Variants in SEMA6B observed in about 807,000 individuals in gnomAD.
The protein encoded by SEMA6B is semaphorin-6B.
Under a neutral mutation model 78.6 loss-of-function variants are expected in SEMA6B, and 47 were observed. The observed-to-expected ratio is 0.60, with a 90% CI of 0.47 to 0.76. The LOEUF (loss-of-function observed/expected upper bound fraction) is 0.76. Ranked by LOEUF, SEMA6B falls within the 30% of genes least tolerant of loss-of-function variation. The pLI is 0.00. For synonymous variants in SEMA6B, 632 were observed against 592.2 expected (o/e 1.07, Z -0.98); for missense variants, 1,213 against 1,269.9 (o/e 0.96, Z 0.68).
At chr19:4,546,162 C>G in intron 16 of SEMA6B, 54 bp downstream of exon 16, 1 of 1,491,856 alleles carries the variant, frequency 6.7e-7, no homozygotes, top group Non-Finnish European at 9.1e-7. Context: ...CCTCCCTCCC[C>G]TCCCCCATGG....
rs751007474 is a variant in SEMA6B, at chr19:4,555,301, C to T, written c.562+173G>A. Among the ~76,000 whole-genome samples the T allele has an allele frequency of 2.6e-5, 4 of 152,118 alleles. No homozygotes were observed. The highest frequency in any genetic ancestry group is 7.2e-5 in the African/African-American group (3 of 41,438). The stretch of plus-strand genomic sequence containing the variant: ...CTGACCCCGGCTAAGCCCCAAATCC[C>T]GCTGAGCCTCAATCCCAGCTGAGCC... On this transcript the variant is annotated intron_variant, in intron 7 of 16. Transcript: ENST00000586582. This position sits in a 1 kb window ranked among gnomAD's most constrained non-coding sequence, Gnocchi z 6.1.
At position 4,555,389 on chromosome 19, in the gene SEMA6B, C is replaced by G; in HGVS notation, c.562+85G>C. 1 of 1,267,982 alleles carries G rather than the reference C, an allele frequency of 7.9e-7. No homozygotes were observed. The highest frequency in any genetic ancestry group is 1.1e-6 in the Non-Finnish European group (1 of 900,888). 78.5% of individuals were successfully genotyped at this position (1,267,982 alleles called of 1,614,324 possible). ...GGACAAGTGGTCGTCCAGCTGCCTT[C>G]TAAACAACCCAGACGCTGGAGTAGA... On this transcript the variant is annotated intron_variant, in intron 7 of 16. Coordinates refer to ENST00000586582, the MANE Select transcript of SEMA6B (RefSeq NM_032108.4). The surrounding 1 kb of genome is among the most constrained non-coding windows in gnomAD (Gnocchi z 6.1).
chr19:4,548,498 CCAA>C, intron 12 of SEMA6B, 53 bp from the exon 13 acceptor site: 1 of 1,519,346 alleles, frequency 6.6e-7, no homozygotes, highest in Non-Finnish European at 9.0e-7. Flanking sequence ...CCACATGCCA[CCAA>C]CACGGGCATG....
Position 4,552,786 on chromosome 19 carries a change from G to A in SEMA6B, c.772-147C>T. 1.5e-6 allele frequency: 1 copy of A among 679,366 alleles called. No individual in the cohort carries two copies. Among genetic ancestry groups the A allele is most frequent in the Non-Finnish European group, 2.4e-6 (1 of 416,568 alleles). The allele number at this position is 679,366 out of a possible 1,614,324, so 42.1% of individuals were successfully genotyped here. A position where few individuals can be genotyped will look rare whatever the true frequency, so the allele number is the denominator to read the frequency against. ...CCCGGCCAGTCACCGTTCCTCTCTG[G>A]GCACCGGCTTCCCTGGCAGAAATTC... On this transcript the variant is annotated intron_variant, in intron 9 of 16. Coordinates refer to ENST00000586582, the MANE Select transcript of SEMA6B (RefSeq NM_032108.4). This position sits in a 1 kb window ranked among gnomAD's most constrained non-coding sequence, Gnocchi z 7.4.
rs976254630 is a variant in SEMA6B, at chr19:4,555,251, C to T, written c.563-156G>A. Among the ~76,000 whole-genome samples the T allele has an allele frequency of 1.3e-5, 2 of 152,152 alleles. No individual in the cohort carries two copies. The highest frequency in any genetic ancestry group is 6.6e-5 in the Admixed American group (1 of 15,264). ...GATCCCATCCAAGCCCCACCTCCAT[C>T]CAAGCCCTGACCTTAACTGAGCCCC... On this transcript the variant is annotated intron_variant, in intron 7 of 16. Coordinates refer to ENST00000586582, the MANE Select transcript of SEMA6B (RefSeq NM_032108.4). The surrounding 1 kb of genome is among the most constrained non-coding windows in gnomAD (Gnocchi z 6.1).
intron 5 of SEMA6B, 85 bp from the exon 6 acceptor site, chr19:4,556,174 T>G: frequency 1.1e-6 from 1 of 941,276 alleles, no homozygotes; most frequent in Non-Finnish European, 1.7e-6. Flanking sequence ...GTTGTGTGGG[T>G]GGAGGGCCGG....
At position 4,552,313 on chromosome 19, in the gene SEMA6B, C is replaced by T. The variant is rs1599779412; in HGVS notation, c.989+109G>A. 21 of 1,109,428 alleles carry T rather than the reference C, an allele frequency of 1.9e-5. No individual in the cohort carries two copies. In the East Asian group the frequency reaches 4.1e-4, roughly 22 times the overall value. The allele number at this position is 1,109,428 out of a possible 1,614,324, so 68.7% of individuals were successfully genotyped here. On this transcript the variant is annotated intron_variant, in intron 10 of 16. Coordinates refer to ENST00000586582, the MANE Select transcript of SEMA6B (RefSeq NM_032108.4). The surrounding 1 kb of genome is among the most constrained non-coding windows in gnomAD (Gnocchi z 7.4). ...GGCCGAGGCCTCTCAGAGGTCTAATCCAGTGGTGCCCAACCTAGCACCCAG... is the reference window on the plus strand; with the variant it reads ...GGCCGAGGCCTCTCAGAGGTCTAATTCAGTGGTGCCCAACCTAGCACCCAG...
At chr19:4,546,054 A>C in intron 16 of SEMA6B, 162 bp downstream of exon 16, 1 of 668,730 alleles carries the variant, frequency 1.5e-6, no homozygotes, top group Non-Finnish European at 2.4e-6. Flanking sequence ...TACAGGCGTG[A>C]GCCACCGCGC....
chr19:4,546,203 C>T lies in SEMA6B; in HGVS notation c.1738+13G>A, dbSNP rs779255323. The T allele has an allele frequency of 5.0e-6, 8 of 1,597,562 alleles. No homozygotes were observed. The highest frequency in any genetic ancestry group is 6.8e-6 in the Non-Finnish European group (8 of 1,171,276). ...GGGGATGGGGGTCTTAGCCTGCCGT[C>T]CCCCCAACTCACCTGTGCAGTCCCC... On this transcript the variant is annotated intron_variant, in intron 16 of 16. Transcript: ENST00000586582.
rs537937630 is a variant in SEMA6B, at chr19:4,550,677, A to G, written c.1121+122T>C. ...CCACACCAGGCCTCAGTTTTTCCCA[A>G]CTGTATAACGGGTACAGCTGAACTC... On this transcript the variant is annotated intron_variant, in intron 11 of 16. Coordinates refer to ENST00000586582, the MANE Select transcript of SEMA6B (RefSeq NM_032108.4). The surrounding 1 kb of genome is among the most constrained non-coding windows in gnomAD (Gnocchi z 6.6). 6.0e-5 allele frequency: 76 copies of G among 1,272,464 alleles called. No homozygotes were observed. In the South Asian group the frequency reaches 9.4e-4, roughly 16 times the overall value. The allele number at this position is 1,272,464 out of a possible 1,614,324, so 78.8% of individuals were successfully genotyped here.
chr19:4,544,054 G>A lies in SEMA6B; in HGVS notation c.2214C>T (p.Gly738=). 8.1e-7 allele frequency: 1 copy of A among 1,228,018 alleles called. No homozygotes were observed. The highest frequency in any genetic ancestry group is 1.6e-5 in the African/African-American group (1 of 63,516). The allele number at this position is 1,228,018 out of a possible 1,614,324, so 76.1% of individuals were successfully genotyped here. A position where few individuals can be genotyped will look rare whatever the true frequency, so the allele number is the denominator to read the frequency against. ...HALGPRAWDH[G]HPLLPASASS... The stretch of plus-strand genomic sequence containing the variant: ...AAGCGGAGGCCGGGAGCAGGGGGTG[G>A]CCGTGGTCCCAGGCGCGGGGGCCCA... The change falls in exon 17 of 17, where the codon GGC becomes GGT. Residue 738 remains glycine, a synonymous_variant. Transcript: ENST00000586582. The surrounding 1 kb of genome is among the most constrained non-coding windows in gnomAD (Gnocchi z 5.1).
In SEMA6B at chr19:4,546,372, A is replaced by C. The variant is rs1599773878; in HGVS notation, c.1679+20T>G. ...GGCGGGTCTGACACACCCTCCACCCACCTCCCTCTCCCGCAGTACCTGGTG... is the reference window on the plus strand; with the variant it reads ...GGCGGGTCTGACACACCCTCCACCCCCCTCCCTCTCCCGCAGTACCTGGTG... On this transcript the variant is annotated intron_variant, in intron 15 of 16. Coordinates refer to ENST00000586582, the MANE Select transcript of SEMA6B (RefSeq NM_032108.4). The C allele has an allele frequency of 6.3e-7, 1 of 1,581,702 alleles. No homozygotes were observed. Among genetic ancestry groups the C allele is most frequent in the African/African-American group, 1.4e-5 (1 of 73,888 alleles).
In SEMA6B at chr19:4,552,683, C is replaced by T; in HGVS notation, c.772-44G>A. The stretch of plus-strand genomic sequence containing the variant: ...GGACGGGGGCCTGAGCTCTGTGTCC[C>T]AGGAAGGCCTGTTCACAGGCTGTGC... On this transcript the variant is annotated intron_variant, in intron 9 of 16. Coordinates refer to ENST00000586582, the MANE Select transcript of SEMA6B (RefSeq NM_032108.4). The surrounding 1 kb of genome is among the most constrained non-coding windows in gnomAD (Gnocchi z 7.4). 4 of 1,540,860 alleles carry T rather than the reference C, an allele frequency of 2.6e-6. No homozygotes were observed. The highest frequency in any genetic ancestry group is 2.6e-6 in the Non-Finnish European group (3 of 1,135,162).
chr19:4,557,318 T>C, intron 3 of SEMA6B, 95 bp from the exon 4 acceptor site: 1 of 807,908 alleles, frequency 1.2e-6, no homozygotes, highest in Non-Finnish European at 2.0e-6. Flanking sequence ...CACGGGGGCA[T>C]GCAGGGCCAT....
Position 4,558,192 on chromosome 19 carries a change from T to A in SEMA6B, c.122-43A>T. On this transcript the variant is annotated intron_variant, in intron 2 of 16. Coordinates refer to ENST00000586582, the MANE Select transcript of SEMA6B (RefSeq NM_032108.4). The surrounding 1 kb of genome is among the most constrained non-coding windows in gnomAD (Gnocchi z 5.1). ...GAGGGGTGTGAGCAAGGGCTGGGGG[T>A]GAAGAGAGGGTGGCCTGAGGTCATG... 7.2e-7 allele frequency: 1 copy of A among 1,384,530 alleles called. No homozygotes were observed. Among genetic ancestry groups the A allele is most frequent in the Non-Finnish European group, 9.5e-7 (1 of 1,054,254 alleles). 85.8% of individuals were successfully genotyped at this position (1,384,530 alleles called of 1,614,324 possible).
rs1555696837 is a variant in SEMA6B, at chr19:4,543,629, GC to G, written c.2638del (p.Ala880ArgfsTer92). On this transcript the variant is annotated frameshift_variant, in exon 17 of 17. Coordinates refer to ENST00000586582, the MANE Select transcript of SEMA6B (RefSeq NM_032108.4). LOFTEE classifies it high-confidence loss of function. ...GGGCACGGGGGGCGCAGTCCTGTCC[GC>G]CCCCCCATAGGGGAGGAGGTGGGCC... is the stretch of plus-strand genomic sequence containing the variant. Reference protein sequence around the residue: ...DLAHLLPYGGADRTAPPVP With the variant: ...DLAHLLPYGGXDRTAPPVP The G allele has an allele frequency of 4.1e-6, 5 of 1,232,498 alleles. No individual in the cohort carries two copies. Among genetic ancestry groups the G allele is most frequent in the Non-Finnish European group, 5.1e-6 (5 of 987,810 alleles). 76.3% of individuals were successfully genotyped at this position (1,232,498 alleles called of 1,614,324 possible).
Position 4,558,635 on chromosome 19 carries a change from A to G in SEMA6B, c.-32-146T>C. ...AATAAAAACAATAATGGCAATAATA[A>G]TAATAATACACAGCACTGATTTAAT... On this transcript the variant is annotated intron_variant, in intron 1 of 16. Transcript: ENST00000586582. The surrounding 1 kb of genome is among the most constrained non-coding windows in gnomAD (Gnocchi z 5.1). 1 of 426,936 alleles carries G rather than the reference A, an allele frequency of 2.3e-6. No individual in the cohort carries two copies. The highest frequency in any genetic ancestry group is 3.9e-6 in the Non-Finnish European group (1 of 253,688). 26.4% of individuals were successfully genotyped at this position (426,936 alleles called of 1,614,324 possible).
In SEMA6B at chr19:4,544,270, G is replaced by C; in HGVS notation, c.1998C>G (p.Gly666=). ...CCCCGGCGCCACCGCCACCGCCTCC[G>C]CCCCGGCCCCCGGGACCCTGCGCCC... ...ERRAQGPGGR[G]GGGGGGAGVP... The change falls in exon 17 of 17, where the codon GGC becomes GGG. Residue 666 remains glycine (G), a synonymous_variant. Transcript: ENST00000586582. This position sits in a 1 kb window ranked among gnomAD's most constrained non-coding sequence, Gnocchi z 5.1. 7.7e-7 allele frequency: 1 copy of C among 1,306,536 alleles called. No homozygotes were observed. The highest frequency in any genetic ancestry group is 9.7e-7 in the Non-Finnish European group (1 of 1,032,084). The allele number at this position is 1,306,536 out of a possible 1,614,324, so 80.9% of individuals were successfully genotyped here. A position where few individuals can be genotyped will look rare whatever the true frequency, so the allele number is the denominator to read the frequency against.
Position 4,546,421 on chromosome 19 carries a change from G to A in SEMA6B, c.1650C>T (p.Gly550=), listed in dbSNP as rs368030726. 26 of 1,580,380 alleles carry A rather than the reference G, an allele frequency of 1.6e-5. No individual in the cohort carries two copies. Among genetic ancestry groups the A allele is most frequent in the Non-Finnish European group, 2.1e-5 (24 of 1,162,584 alleles). ...QDPYCGWAPD[G]SCIFLSPGTR... ...TGCCCGGGCTGAGGAAGATGCAGGA[G>A]CCGTCGGGGGCCCACCCGCAGTAGG... Residue 550 remains glycine, a synonymous_variant, in exon 15 of 17, where the codon GGC becomes GGT. Transcript: ENST00000586582.
Sources: gnomAD v4.1 joint callset for allele counts (sites outside exome capture counted in the v4.1 genomes callset) on GRCh38, gnomAD v4.1.1 for gene constraint, Gnocchi (gnomAD v3.1) non-coding constraint, MANE v1.5 for transcripts, NCBI Gene and HGNC (gene_info 2026-07-23, HGNC 2026-07-21) for gene names.